The following LHX4 variants were observed in gnomAD, a reference collection of about 807,000 sequenced individuals.
The protein encoded by LHX4 is LIM/homeobox protein Lhx4.
Under a neutral mutation model 39.2 loss-of-function variants are expected in LHX4, and 16 were observed. The ratio of observed to expected loss-of-function variants is 0.41; its 90% CI spans 0.28 to 0.62. LHX4 has a LOEUF of 0.62. Ranked by LOEUF, LHX4 falls within the 20% of genes least tolerant of loss-of-function variation. The pLI, the probability that LHX4 is intolerant of heterozygous loss-of-function variation, is 0.33. For synonymous variants in LHX4, 206 were observed against 198.1 expected (o/e 1.04, Z -0.33); for missense variants, 439 against 511.9 (o/e 0.86, Z 1.37).
At chr1:180,233,963 G>C (rs780878127) in intron 1 of LHX4, among the ~76,000 whole-genome samples, 1 of 151,460 alleles carries the variant, frequency 6.6e-6, no homozygotes, top group Non-Finnish European at 1.5e-5. Context: ...TCCGGGGTGC[G>C]TGGGGTAATG....
chr1:180,267,038 A>T (rs1648347689), intron 3 of LHX4, among the ~76,000 whole-genome samples: 2 of 152,014 alleles, frequency 1.3e-5, no homozygotes, highest in African/African-American at 4.8e-5. Flanking sequence ...CGTCGGTGAG[A>T]GCCCAGCACT....
intron 1 of LHX4, among the ~76,000 whole-genome samples, chr1:180,240,900 G>A (rs560272539): frequency 6.6e-6 from 1 of 152,182 alleles, no homozygotes; most frequent in Non-Finnish European, 1.5e-5. Context: ...TTTGAGGGCT[G>A]GCTATCACGT....
chr1:180,248,601 C>T, intron 2 of LHX4, 145 bp downstream of exon 2: 1 of 854,802 alleles, frequency 1.2e-6, no homozygotes, highest in Non-Finnish European at 1.9e-6. Context: ...TGAGAGGATG[C>T]CCCTTGTTGA....
At chr1:180,231,232 G>A (rs1488058450) in intron 1 of LHX4, among the ~76,000 whole-genome samples, 2 of 152,028 alleles carry the variant, frequency 1.3e-5, no homozygotes, top group African/African-American at 2.4e-5. Flanking sequence ...GGAATGCAGG[G>A]GAGGGAGAAG....
upstream of LHX4, among the ~76,000 whole-genome samples, chr1:180,229,725 C>G (rs1056989920): frequency 6.4e-4 from 97 of 152,044 alleles, 1 homozygote; most frequent in Non-Finnish European, 3.2e-4. Flanking sequence ...GCGACGCAGC[C>G]CCGTCCCCGG....
intron 1 of LHX4, among the ~76,000 whole-genome samples, chr1:180,239,952 C>T (rs184030063): frequency 7.2e-5 from 11 of 152,284 alleles, no homozygotes; most frequent in Admixed American, 3.9e-4. Flanking sequence ...AACAGGGAGA[C>T]CCGGAAGTGG....
At chr1:180,263,594 A>T (rs1648195291) in intron 2 of LHX4, among the ~76,000 whole-genome samples, 1 of 152,216 alleles carries the variant, frequency 6.6e-6, no homozygotes, top group Non-Finnish European at 1.5e-5. Flanking sequence ...TAAATCCCAC[A>T]ATCAGGAAAA....
rs1664200480 is a variant in LHX4, at chr1:180,232,219, G to C, written c.76+1614G>C. 6.6e-6 allele frequency among the ~76,000 whole-genome samples: 1 copy of C among 152,180 alleles called. No homozygotes were observed. The highest frequency in any genetic ancestry group is 1.5e-5 in the Non-Finnish European group (1 of 68,040). ...GACTGCATGAGTGGGGGAAGGGTGT[G>C]TGTGTGTTACTAGTGTCCTTGGTAC... On this transcript the variant is annotated intron_variant, in intron 1 of 5. Transcript: ENST00000263726. This position sits in a 1 kb window ranked among gnomAD's most constrained non-coding sequence, Gnocchi z 5.4.
At chr1:180,242,479 C>CGT (rs1664464157) in intron 1 of LHX4, among the ~76,000 whole-genome samples, 1 of 151,380 alleles carries the variant, frequency 6.6e-6, no homozygotes, top group African/African-American at 2.4e-5. Context: ...ATGGTGTGGG[C>CGT]GTGTATATAT....
Position 180,242,053 on chromosome 1 carries a change from C to A in LHX4, c.77-6232C>A, listed in dbSNP as rs538118942. ...GCTGATCTCCCAGTATTTTTGAGCC[C>A]TTTCCAAAAAAGTATTTGAAACAAT... On this transcript the variant is annotated intron_variant, in intron 1 of 5. Transcript: ENST00000263726. 6.6e-5 allele frequency among the ~76,000 whole-genome samples: 10 copies of A among 152,080 alleles called. No homozygotes were observed. In the East Asian group the frequency reaches 1.5e-3, roughly 24 times the overall value.
intron 2 of LHX4, among the ~76,000 whole-genome samples, chr1:180,263,320 C>T (rs1183385327): frequency 6.6e-6 from 1 of 152,204 alleles, no homozygotes; most frequent in Non-Finnish European, 1.5e-5. Context: ...AGGCTTTGGC[C>T]TTCTCACCTG....
Position 180,232,523 on chromosome 1 carries a change from A to C in LHX4, c.76+1918A>C, listed in dbSNP as rs1421316449. On this transcript the variant is annotated intron_variant, in intron 1 of 5. Transcript: ENST00000263726. This position sits in a 1 kb window ranked among gnomAD's most constrained non-coding sequence, Gnocchi z 5.4. ...TTGAGGTGTACAAAGGAACTTCCACACCCACCCCCCCAGGGTGGCCCAGGG... is the reference window on the plus strand; with the variant it reads ...TTGAGGTGTACAAAGGAACTTCCACCCCCACCCCCCCAGGGTGGCCCAGGG... 2.0e-5 allele frequency among the ~76,000 whole-genome samples: 3 copies of C among 152,062 alleles called. No individual in the cohort carries two copies. The highest frequency in any genetic ancestry group is 3.9e-4 in the East Asian group (2 of 5,188).
intron 3 of LHX4, among the ~76,000 whole-genome samples, chr1:180,267,543 C>T (rs759715714): frequency 6.6e-6 from 1 of 152,210 alleles, no homozygotes; most frequent in East Asian, 1.9e-4. Context: ...CCCACATGGT[C>T]GTGGGGTCAG....
intron 3 of LHX4, 31 bp from the exon 4 acceptor site, chr1:180,271,349 G>A (rs376940376): frequency 1.1e-5 from 18 of 1,613,810 alleles, no homozygotes; most frequent in Admixed American, 1.7e-5. Flanking sequence ...CAGATAGGCC[G>A]AAGCCAGTAA....
At chr1:180,249,882 TGTGA>T (rs1196994862) in intron 2 of LHX4, among the ~76,000 whole-genome samples, 51 of 149,870 alleles carry the variant, frequency 3.4e-4, no homozygotes, top group Non-Finnish European at 5.0e-4. Flanking sequence ...TGTGTGCGTG[TGTGA>T]GTGTGTGTAT....
chr1:180,258,756 A>G (rs1467797192), intron 2 of LHX4, among the ~76,000 whole-genome samples: 1 of 152,044 alleles, frequency 6.6e-6, no homozygotes, highest in Non-Finnish European at 1.5e-5. Flanking sequence ...GTGAGCTGTG[A>G]TTGCACCACT....
Position 180,274,535 on chromosome 1 carries a change from A to T in LHX4, c.1129A>T (p.Ser377Cys), listed in dbSNP as rs143972405. The T allele has an allele frequency of 5.0e-6, 8 of 1,602,118 alleles. No homozygotes were observed. In the African/African-American group the frequency reaches 1.1e-4, roughly 21 times the overall value. ...SSVGYPDFPTSPGSWLDEMDH... is the reference protein window; with the variant it reads ...SSVGYPDFPTCPGSWLDEMDH... Reference sequence around the variant, plus strand: ...TGTAGGCTATCCCGACTTTCCAACTAGCCCAGGCTCTTGGCTCGATGAAAT... The same window carrying T: ...TGTAGGCTATCCCGACTTTCCAACTTGCCCAGGCTCTTGGCTCGATGAAAT... The change falls in exon 6 of 6, where the codon AGC becomes TGC. Residue 377 changes from serine (S) to cysteine (C), a missense_variant. Physicochemically the swap from Ser to Cys is moderately radical, Grantham distance 112. Coordinates refer to ENST00000263726, the MANE Select transcript of LHX4 (RefSeq NM_033343.4).
At chr1:180,250,348 T>C (rs202047056) in intron 2 of LHX4, among the ~76,000 whole-genome samples, 2,025 of 63,384 alleles carry the variant, frequency 0.032, 18 homozygotes, top group African/African-American at 0.051. Context: ...TGTGTGTGTG[T>C]GCGCGCGTGG....
In LHX4 at chr1:180,234,340, G is replaced by A. The variant is rs1664262499; in HGVS notation, c.76+3735G>A. 6.6e-6 allele frequency among the ~76,000 whole-genome samples: 1 copy of A among 151,834 alleles called. No homozygotes were observed. The highest frequency in any genetic ancestry group is 6.6e-5 in the Admixed American group (1 of 15,246). ...GGCAGGAGACAATTTTTACAGATGA[G>A]GTCAGCTGTCCCCGCCGGCCGATTC... is the stretch of plus-strand genomic sequence containing the variant. On this transcript the variant is annotated intron_variant, in intron 1 of 5. Coordinates refer to ENST00000263726, the MANE Select transcript of LHX4 (RefSeq NM_033343.4). The surrounding 1 kb of genome is among the most constrained non-coding windows in gnomAD (Gnocchi z 4.8).
Sources: allele counts gnomAD v4.1 joint callset (sites outside exome capture counted in the v4.1 genomes callset), GRCh38; gene constraint gnomAD v4.1.1; non-coding constraint Gnocchi (gnomAD v3.1); transcripts MANE v1.5; gene names NCBI Gene and HGNC (gene_info 2026-07-23, HGNC 2026-07-21).